NIPAL1: variants seen among roughly 807,000 people sequenced by gnomAD.
NIPAL1 encodes the protein magnesium transporter NIPA3.
NIPAL1 carries 35 observed loss-of-function variants against 37.7 expected under a neutral mutation model. The ratio of observed to expected loss-of-function variants is 0.93; its 90% CI spans 0.71 to 1.23. The LOEUF (loss-of-function observed/expected upper bound fraction) is 1.23. Among genes scored for constraint, NIPAL1 ranks in the 50% most tolerant of loss-of-function variants. The pLI is 0.00. For missense variants in NIPAL1, 412 were observed against 473.9 expected, an observed-to-expected ratio of 0.87 and a Z score of 1.21; for synonymous variants, 162 against 183.0, an observed-to-expected ratio of 0.89 and a Z score of 0.93.
At position 48,025,103 on chromosome 4, in the gene NIPAL1, C is replaced by T; in HGVS notation, c.82C>T (p.Gln28Ter). The T allele has an allele frequency of 6.2e-7, 1 of 1,614,018 alleles. No individual in the cohort carries two copies. The highest frequency in any genetic ancestry group is 1.1e-5 in the South Asian group (1 of 91,088). Residue 28 changes from glutamine to a stop codon, truncating the protein, a stop_gained, in exon 2 of 6, where the codon CAG becomes TAG. Transcript: ENST00000295461. LOFTEE classifies it high-confidence loss of function. ...GTCTCTGGTCTGTCCAAACTCCTCC[C>T]AGGCTTGGTGTGAGATCACAAATGT... ...VLSLVCPNSS[Q>*]AWCEITNVSQ...
At chr4:48,023,978 T>C (rs929299067) in intron 1 of NIPAL1, among the ~76,000 whole-genome samples, 4 of 106,396 alleles carry the variant, frequency 3.8e-5, no homozygotes, top group East Asian at 3.4e-4. Context: ...ATTTCTTCTT[T>C]TTTTTTTTTT....
At chr4:48,030,079 T>C (rs752915789) in intron 2 of NIPAL1, 41 bp from the exon 3 acceptor site, 7 of 1,234,944 alleles carry the variant, frequency 5.7e-6, no homozygotes, top group Non-Finnish European at 8.4e-6. Context: ...TCCTCCAGTG[T>C]AGAACCCATT....
chr4:48,022,106 G>A (rs1002519229), intron 1 of NIPAL1, among the ~76,000 whole-genome samples: 1 of 152,048 alleles, frequency 6.6e-6, no homozygotes, highest in Non-Finnish European at 1.5e-5. Context: ...TAAACTCCCT[G>A]GAAAATTACT....
intron 1 of NIPAL1, among the ~76,000 whole-genome samples, chr4:48,024,226 G>T (rs1423635434): frequency 1.3e-5 from 2 of 151,654 alleles, no homozygotes; most frequent in Admixed American, 1.3e-4. Context: ...TGATCCACCC[G>T]CCTTGGCCAC....
At chr4:48,028,451 A>G (rs1165236139) in intron 2 of NIPAL1, among the ~76,000 whole-genome samples, 3 of 152,216 alleles carry the variant, frequency 2.0e-5, no homozygotes, top group Admixed American at 2.0e-4. Flanking sequence ...CTTAAATGTA[A>G]AACCTGAAAC....
intron 1 of NIPAL1, among the ~76,000 whole-genome samples, chr4:48,022,114 A>G (rs1715584846): frequency 6.6e-6 from 1 of 152,114 alleles, no homozygotes. Flanking sequence ...CTGGAAAATT[A>G]CTGTGCTTAC....
intron 4 of NIPAL1, among the ~76,000 whole-genome samples, chr4:48,034,074 A>T (rs1715874309): frequency 6.6e-6 from 1 of 152,204 alleles, no homozygotes; most frequent in African/African-American, 2.4e-5. Flanking sequence ...CTTCATGGGG[A>T]TGCCAGAGCA....
At chr4:48,018,276 C>G (rs895662656) in intron 1 of NIPAL1, among the ~76,000 whole-genome samples, 2 of 150,178 alleles carry the variant, frequency 1.3e-5, no homozygotes, top group African/African-American at 4.8e-5. Flanking sequence ...ACTTGTTTAC[C>G]CAAGGATCTG....
At chr4:48,016,981 C>A (rs1715430654) in intron 1 of NIPAL1, 96 bp downstream of exon 1, 2 of 1,001,278 alleles carry the variant, frequency 2.0e-6, no homozygotes, top group African/African-American at 1.6e-5. Flanking sequence ...GAAAGGGGGG[C>A]TGTACCGACT....
Position 48,035,905 on chromosome 4 carries a change from TGCC to T in NIPAL1, c.967_969del (p.Ala323del). The T allele has an allele frequency of 6.2e-7, 1 of 1,614,038 alleles. No individual in the cohort carries two copies. Among genetic ancestry groups the T allele is most frequent in the East Asian group, 2.2e-5 (1 of 44,884 alleles). On this transcript the variant is annotated inframe_deletion, in exon 6 of 6. Transcript: ENST00000295461. Reference sequence around the variant, plus strand: ...TCACATCCATGGTAGTGACTTGCTCTGCCATCTTATTCCAAGAGTGGTATGGCA... The same window carrying T: ...TCACATCCATGGTAGTGACTTGCTCTATCTTATTCCAAGAGTGGTATGGCA...
rs1715995389 is a variant in NIPAL1, at chr4:48,038,151, T to TA, written c.*1981dup. On this transcript the variant is annotated 3_prime_UTR_variant, in exon 6 of 6. Transcript: ENST00000295461. Reference sequence around the variant, plus strand: ...CCTACCTGAGATGGCTGCAAGGCCCTAATGTTCCATTATACATTATAGTCT... The same window carrying TA: ...CCTACCTGAGATGGCTGCAAGGCCCTAAATGTTCCATTATACATTATAGTCT... 2 of 152,252 alleles carry TA rather than the reference T, an allele frequency of 1.3e-5. No homozygotes were observed. Among genetic ancestry groups the TA allele is most frequent in the African/African-American group, 4.8e-5 (2 of 41,464 alleles). The allele number at this position is 152,252 out of a possible 1,614,324, so 9.4% of individuals were successfully genotyped here. A position where few individuals can be genotyped will look rare whatever the true frequency, so the allele number is the denominator to read the frequency against.
chr4:48,037,737 C>T lies in NIPAL1; in HGVS notation c.*1565C>T, dbSNP rs1272233479. 5 of 152,124 alleles carry T rather than the reference C, an allele frequency of 3.3e-5. No individual in the cohort carries two copies. Among genetic ancestry groups the T allele is most frequent in the African/African-American group, 4.8e-5 (2 of 41,422 alleles). The allele number at this position is 152,124 out of a possible 1,614,324, so 9.4% of individuals were successfully genotyped here. ...GGCTACTGCAGGAAAATACCTTTTT[C>T]GCACATTAAAATGTTTATAAAATTT... On this transcript the variant is annotated 3_prime_UTR_variant, in exon 6 of 6. Transcript: ENST00000295461.
intron 2 of NIPAL1, 116 bp from the exon 3 acceptor site, chr4:48,030,004 A>T (rs1227030076): frequency 3.4e-6 from 2 of 582,400 alleles, no homozygotes; most frequent in African/African-American, 3.7e-5. Flanking sequence ...GAGACTTTAG[A>T]TTTACTGACT....
At position 48,025,226 on chromosome 4, in the gene NIPAL1, T is replaced by C. The variant is rs1241016076; in HGVS notation, c.205T>C (p.Tyr69His). Residue 69 changes from tyrosine to histidine, a missense_variant, in exon 2 of 6, where the codon TAT becomes CAT. Tyr to His is a moderately conservative substitution (Grantham distance 83). Transcript: ENST00000295461. The stretch of plus-strand genomic sequence containing the variant: ...AAATGTAGAAAACAAATACAGTCTT[T>C]ATGTGGGCTTGGTACTGGCAGTAAG... ...SANVENKYSLYVGLVLAVSSS... is the reference protein window; with the variant it reads ...SANVENKYSLHVGLVLAVSSS... The C allele has an allele frequency of 3.1e-6, 5 of 1,614,170 alleles. No individual in the cohort carries two copies. The highest frequency in any genetic ancestry group is 3.4e-6 in the Non-Finnish European group (4 of 1,180,014).
chr4:48,028,384 C>T (rs1332865340), intron 2 of NIPAL1, among the ~76,000 whole-genome samples: 2 of 151,858 alleles, frequency 1.3e-5, no homozygotes. Flanking sequence ...TATAGAAGAA[C>T]GAAACTGGAC....
chr4:48,031,568 T>TA (rs910164979), intron 3 of NIPAL1, among the ~76,000 whole-genome samples: 16 of 152,232 alleles, frequency 1.1e-4, no homozygotes, highest in African/African-American at 3.1e-4. Flanking sequence ...TTTCACCGTG[T>TA]AAAAAAGTTT....
rs988658194 is a variant in NIPAL1, at chr4:48,038,714, G to A, written c.*2542G>A. ...TGATCTCTCTAGGACACCTTGGTGA[G>A]GAAATTAATGGCACTTTTCTTGACA... On this transcript the variant is annotated 3_prime_UTR_variant, in exon 6 of 6. Transcript: ENST00000295461. The A allele has an allele frequency of 1.3e-5, 2 of 152,128 alleles. No individual in the cohort carries two copies. The highest frequency in any genetic ancestry group is 2.9e-5 in the Non-Finnish European group (2 of 68,020). 9.4% of individuals were successfully genotyped at this position (152,128 alleles called of 1,614,324 possible).
chr4:48,028,926 A>G (rs571399168), intron 2 of NIPAL1, among the ~76,000 whole-genome samples: 2 of 152,252 alleles, frequency 1.3e-5, no homozygotes, highest in African/African-American at 4.8e-5. Flanking sequence ...ACAGATGTTG[A>G]CAAGAATGCA....
chr4:48,031,575 G>A (rs900644389), intron 3 of NIPAL1, among the ~76,000 whole-genome samples: 3 of 152,126 alleles, frequency 2.0e-5, no homozygotes, highest in Admixed American at 6.5e-5. Context: ...GTGTAAAAAA[G>A]TTTATGTCAG....
Sources: gnomAD v4.1 joint callset for allele counts (sites outside exome capture counted in the v4.1 genomes callset) on GRCh38, gnomAD v4.1.1 for gene constraint, MANE v1.5 for transcripts, NCBI Gene and HGNC (gene_info 2026-07-23, HGNC 2026-07-21) for gene names.